HS6ST3: variants seen among roughly 807,000 people sequenced by gnomAD.
HS6ST3 encodes heparan-sulfate 6-O-sulfotransferase 3.
In HS6ST3, 12 loss-of-function variants were observed where a neutral mutation model predicts 36.7. The observed-to-expected ratio is 0.33, with a 90% CI of 0.21 to 0.53. The LOEUF (loss-of-function observed/expected upper bound fraction) is 0.53, where lower values mean the gene tolerates loss of function less well. Among genes scored for constraint, HS6ST3 ranks in the 20% least tolerant of loss-of-function variants. The pLI, the probability that HS6ST3 is intolerant of heterozygous loss-of-function variation, is 0.95. For missense variants in HS6ST3, 584 were observed against 640.9 expected, an observed-to-expected ratio of 0.91 and a Z score of 0.96; for synonymous variants, 240 against 257.5, an observed-to-expected ratio of 0.93 and a Z score of 0.65.
At chr13:96,705,448 G>A (rs184655179) in intron 1 of HS6ST3, among the ~76,000 whole-genome samples, 1 of 151,994 alleles carries the variant, frequency 6.6e-6, no homozygotes, top group Non-Finnish European at 1.5e-5. Context: ...GTGTATTTTG[G>A]CATATTTCTC....
intron 1 of HS6ST3, among the ~76,000 whole-genome samples, chr13:96,780,806 T>G (rs1594858589): frequency 6.6e-6 from 1 of 152,154 alleles, no homozygotes; most frequent in South Asian, 2.1e-4. Flanking sequence ...TGAGTATTCC[T>G]AGCTGCACAT....
chr13:96,504,372 G>A (rs931195335), intron 1 of HS6ST3, among the ~76,000 whole-genome samples: 1 of 151,968 alleles, frequency 6.6e-6, no homozygotes, highest in South Asian at 2.1e-4. Flanking sequence ...TGTGAATAAG[G>A]GTAAGTTTTT....
At chr13:96,603,887 A>G (rs2056429887) in intron 1 of HS6ST3, among the ~76,000 whole-genome samples, 1 of 152,218 alleles carries the variant, frequency 6.6e-6, no homozygotes, top group Admixed American at 6.5e-5. Flanking sequence ...AACCTACTTC[A>G]GATCGGATCA....
At position 96,210,051 on chromosome 13, in the gene HS6ST3, T is replaced by C. The variant is rs1394801074; in HGVS notation, c.707+118482T>C. Reference sequence around the variant, plus strand: ...AGAGTAGATGCTCAGTGAATTATTATTGAGTGATTGAAAGACTGAATGGTC... The same window carrying C: ...AGAGTAGATGCTCAGTGAATTATTACTGAGTGATTGAAAGACTGAATGGTC... On this transcript the variant is annotated intron_variant, in intron 1 of 1. Transcript: ENST00000376705. Among the ~76,000 whole-genome samples, 5 of 152,304 alleles carry C rather than the reference T, an allele frequency of 3.3e-5. No individual in the cohort carries two copies. In the East Asian group the frequency reaches 5.8e-4, roughly 18 times the overall value.
At chr13:96,498,362 T>C (rs558023837) in intron 1 of HS6ST3, among the ~76,000 whole-genome samples, 57 of 152,154 alleles carry the variant, frequency 3.7e-4, no homozygotes, top group Non-Finnish European at 7.9e-4. Flanking sequence ...AGAAAGACCT[T>C]GAGGCTTCTT....
intron 1 of HS6ST3, among the ~76,000 whole-genome samples, chr13:96,355,712 T>G (rs1401536700): frequency 2.0e-5 from 3 of 152,182 alleles, no homozygotes; most frequent in Non-Finnish European, 4.4e-5. Flanking sequence ...TGCTGTCTGA[T>G]CAGGGTGGTG....
At chr13:96,542,028 C>T (rs1212925526) in intron 1 of HS6ST3, among the ~76,000 whole-genome samples, 2 of 152,074 alleles carry the variant, frequency 1.3e-5, no homozygotes, top group Non-Finnish European at 2.9e-5. Flanking sequence ...GCACTTTTAC[C>T]TCCTGTGTAT....
At chr13:96,657,630 C>T (rs1189698498) in intron 1 of HS6ST3, among the ~76,000 whole-genome samples, 3 of 152,156 alleles carry the variant, frequency 2.0e-5, no homozygotes, top group Non-Finnish European at 2.9e-5. Context: ...TCATGGTCTA[C>T]ACATGCCATT....
intron 1 of HS6ST3, among the ~76,000 whole-genome samples, chr13:96,816,407 G>A (rs1878423303): frequency 6.6e-6 from 1 of 152,208 alleles, no homozygotes; most frequent in Non-Finnish European, 1.5e-5. Context: ...GTACTGGGGG[G>A]CATTTGCCAA....
At chr13:96,768,023 T>C (rs1877163948) in intron 1 of HS6ST3, among the ~76,000 whole-genome samples, 1 of 152,216 alleles carries the variant, frequency 6.6e-6, no homozygotes, top group Admixed American at 6.5e-5. Context: ...GGTCAGGAAC[T>C]GGAAAGAAAA....
At chr13:96,756,449 A>C (rs1876833429) in intron 1 of HS6ST3, among the ~76,000 whole-genome samples, 1 of 152,154 alleles carries the variant, frequency 6.6e-6, no homozygotes. Flanking sequence ...TTGTGGGAAT[A>C]TTCTCCTACA....
chr13:96,107,092 G>A (rs1482088117), intron 1 of HS6ST3, among the ~76,000 whole-genome samples: 1 of 152,208 alleles, frequency 6.6e-6, no homozygotes, highest in East Asian at 1.9e-4. Flanking sequence ...TTTAGTGCCA[G>A]ATCTTGTCAT....
intron 1 of HS6ST3, among the ~76,000 whole-genome samples, chr13:96,496,698 T>G (rs975995617): frequency 1.3e-5 from 2 of 152,170 alleles, no homozygotes; most frequent in Admixed American, 1.3e-4. Flanking sequence ...AATGCACAGC[T>G]TAGCTGAGCT....
intron 1 of HS6ST3, among the ~76,000 whole-genome samples, chr13:96,730,292 A>C (rs1432864926): frequency 6.6e-6 from 1 of 152,030 alleles, no homozygotes; most frequent in African/African-American, 2.4e-5. Context: ...GTTTTTTTTA[A>C]ATTTTTTTTT....
intron 1 of HS6ST3, among the ~76,000 whole-genome samples, chr13:96,343,280 G>A (rs2055138966): frequency 6.6e-6 from 1 of 152,152 alleles, no homozygotes; most frequent in Admixed American, 6.5e-5. Context: ...TTGCCTCACT[G>A]GGCTAAAATC....
At chr13:96,350,969 G>T (rs1478947666) in intron 1 of HS6ST3, among the ~76,000 whole-genome samples, 5 of 152,080 alleles carry the variant, frequency 3.3e-5, no homozygotes, top group Admixed American at 2.6e-4. Flanking sequence ...TTATTAAAAG[G>T]AAAATTATTT....
chr13:96,189,398 T>C (rs2054278869), intron 1 of HS6ST3, among the ~76,000 whole-genome samples: 1 of 152,058 alleles, frequency 6.6e-6, no homozygotes. Flanking sequence ...TAATTTTCAG[T>C]TGGACACTTG....
At chr13:96,712,667 T>C (rs144765660) in intron 1 of HS6ST3, among the ~76,000 whole-genome samples, 23 of 152,290 alleles carry the variant, frequency 1.5e-4, no homozygotes, top group Non-Finnish European at 3.1e-4. Context: ...CATATGTCGA[T>C]AGGCAACTGT....
At chr13:96,323,792 C>G (rs970232842) in intron 1 of HS6ST3, among the ~76,000 whole-genome samples, 1 of 152,170 alleles carries the variant, frequency 6.6e-6, no homozygotes, top group Non-Finnish European at 1.5e-5. Context: ...ATCTTACATG[C>G]TATATATTTT....
Sources: gnomAD v4.1 joint callset for allele counts (sites outside exome capture counted in the v4.1 genomes callset) on GRCh38, gnomAD v4.1.1 for gene constraint, MANE v1.5 for transcripts, NCBI Gene and HGNC (gene_info 2026-07-23, HGNC 2026-07-21) for gene names.